Variants in PTPRO observed in about 807,000 individuals in gnomAD.
The protein encoded by PTPRO is receptor-type tyrosine-protein phosphatase O.
Under a neutral mutation model 145.2 loss-of-function variants are expected in PTPRO, and 62 were observed. That is an observed-to-expected ratio of 0.43 (90% CI 0.35 to 0.53). PTPRO has a LOEUF of 0.53. Among genes scored for constraint, PTPRO ranks in the 20% least tolerant of loss-of-function variants. PTPRO has a pLI of 0.01. For missense variants in PTPRO, 1,345 were observed against 1,482.7 expected (o/e 0.91, Z 1.53); for synonymous variants, 565 against 514.7 (o/e 1.10, Z -1.32).
intron 1 of PTPRO, among the ~76,000 whole-genome samples, chr12:15,414,385 C>A (rs1192194754): frequency 6.6e-6 from 1 of 152,230 alleles, no homozygotes; most frequent in Non-Finnish European, 1.5e-5. Flanking sequence ...GAACAGGACA[C>A]CTCATCTAGC....
chr12:15,553,752 A>T (rs1197965531), intron 15 of PTPRO, among the ~76,000 whole-genome samples: 1 of 152,190 alleles, frequency 6.6e-6, no homozygotes, highest in African/African-American at 2.4e-5. Flanking sequence ...TGAGGCAAGG[A>T]CAGAGACAGG....
At chr12:15,415,387 T>A (rs1360928243) in intron 1 of PTPRO, among the ~76,000 whole-genome samples, 1 of 4,592 alleles carries the variant, frequency 2.2e-4, no homozygotes, top group African/African-American at 2.3e-4. Context: ...GTGAAATGAA[T>A]TTTTTTTTTT....
At position 15,402,253 on chromosome 12, in the gene PTPRO, T is replaced by C. The variant is rs571644056; in HGVS notation, c.75+79452T>C. Among the ~76,000 whole-genome samples the C allele has an allele frequency of 2.3e-3, 356 of 152,092 alleles. 1 individual carries two copies. The highest frequency in any genetic ancestry group is 8.0e-3 in the African/African-American group (333 of 41,480). On this transcript the variant is annotated intron_variant, in intron 1 of 26. Transcript: ENST00000281171. ...AAATACAAAAATTAGCTGGGCATGG[T>C]GGTGTGTGCCTGTAGTCCCAGCTAC... is the stretch of plus-strand genomic sequence containing the variant.
At position 15,439,957 on chromosome 12, in the gene PTPRO, G is replaced by T. The variant is rs753998966; in HGVS notation, c.76-44017G>T. On this transcript the variant is annotated intron_variant, in intron 1 of 26. Coordinates refer to ENST00000281171, the MANE Select transcript of PTPRO (RefSeq NM_030667.3). ...TCGGTCTGGGTGTTAAGTGCTCCAAGGAGGTGGCCACTGCCATCTGCGGGG... is the reference window on the plus strand; with the variant it reads ...TCGGTCTGGGTGTTAAGTGCTCCAATGAGGTGGCCACTGCCATCTGCGGGG... 4.4e-6 allele frequency: 3 copies of T among 686,072 alleles called. No homozygotes were observed. In the East Asian group the frequency reaches 8.1e-5, roughly 18 times the overall value. The allele number at this position is 686,072 out of a possible 1,614,324, so 42.5% of individuals were successfully genotyped here.
chr12:15,486,011 T>C (rs1024208911), intron 2 of PTPRO, among the ~76,000 whole-genome samples: 1 of 152,168 alleles, frequency 6.6e-6, no homozygotes, highest in African/African-American at 2.4e-5. Context: ...TGCTGTGTAT[T>C]CTGTGAGCAC....
intron 1 of PTPRO, among the ~76,000 whole-genome samples, chr12:15,421,876 T>A (rs1241024368): frequency 6.6e-6 from 1 of 152,204 alleles, no homozygotes; most frequent in Non-Finnish European, 1.5e-5. Context: ...CTGCTTCAGT[T>A]CTTCATTTTT....
intron 1 of PTPRO, among the ~76,000 whole-genome samples, chr12:15,388,226 C>T (rs533105548): frequency 1.4e-3 from 208 of 151,732 alleles, no homozygotes; most frequent in Non-Finnish European, 1.4e-3. Flanking sequence ...ATATAACATA[C>T]GGATTACCCT....
chr12:15,364,135 T>C (rs775883168), intron 1 of PTPRO, among the ~76,000 whole-genome samples: 3 of 152,052 alleles, frequency 2.0e-5, no homozygotes, highest in Non-Finnish European at 4.4e-5. Flanking sequence ...TCACAGAGGG[T>C]CTAGGAATAT....
chr12:15,537,216 C>T (rs1489131949), intron 12 of PTPRO, among the ~76,000 whole-genome samples: 1 of 152,036 alleles, frequency 6.6e-6, no homozygotes, highest in East Asian at 1.9e-4. Flanking sequence ...GATAAAGGAG[C>T]TTGGATTCAG....
intron 1 of PTPRO, among the ~76,000 whole-genome samples, chr12:15,382,942 A>G (rs985230010): frequency 6.6e-6 from 1 of 152,248 alleles, no homozygotes; most frequent in Non-Finnish European, 1.5e-5. Context: ...TCATCACTGC[A>G]CACACTTATC....
At chr12:15,359,710 G>C (rs1212585857) in intron 1 of PTPRO, among the ~76,000 whole-genome samples, 1 of 152,138 alleles carries the variant, frequency 6.6e-6, no homozygotes, top group Admixed American at 6.5e-5. Context: ...TTACAGGCAA[G>C]AGCCACCGCA....
At chr12:15,420,983 A>C (rs1265966273) in intron 1 of PTPRO, among the ~76,000 whole-genome samples, 1 of 152,246 alleles carries the variant, frequency 6.6e-6, no homozygotes, top group Non-Finnish European at 1.5e-5. Context: ...AATTTCAAAT[A>C]TATGCAAAAT....
chr12:15,580,522 T>C (rs143598622), intron 21 of PTPRO, among the ~76,000 whole-genome samples, 175 bp from the exon 22 acceptor site: 257 of 152,362 alleles, frequency 1.7e-3, no homozygotes, highest in Non-Finnish European at 3.0e-3. Context: ...AGACTAATTA[T>C]GGTCAGTTAT....
chr12:15,431,598 C>T (rs562040567), intron 1 of PTPRO, among the ~76,000 whole-genome samples: 16 of 152,010 alleles, frequency 1.1e-4, no homozygotes, highest in Middle Eastern at 3.4e-3. Context: ...TGTTATTATT[C>T]GATAGAGCAA....
At chr12:15,575,162 A>G (rs1944152441) in intron 19 of PTPRO, among the ~76,000 whole-genome samples, 1 of 152,174 alleles carries the variant, frequency 6.6e-6, no homozygotes. Flanking sequence ...GTTCACAGGC[A>G]ATTTGGAGGG....
intron 1 of PTPRO, among the ~76,000 whole-genome samples, chr12:15,442,727 T>A (rs1216706576): frequency 6.6e-6 from 1 of 151,914 alleles, no homozygotes; most frequent in Non-Finnish European, 1.5e-5. Flanking sequence ...AAAACAAAAA[T>A]GCAATCCGAT....
chr12:15,365,529 C>T (rs1025002121), intron 1 of PTPRO, among the ~76,000 whole-genome samples: 18 of 152,174 alleles, frequency 1.2e-4, no homozygotes, highest in Middle Eastern at 3.4e-3. Context: ...AAACCTACAA[C>T]ACAGAGATTG....
chr12:15,581,593 C>T (rs768607203), intron 22 of PTPRO, 86 bp from the exon 23 acceptor site: 51 of 1,482,914 alleles, frequency 3.4e-5, no homozygotes, highest in South Asian at 1.1e-4. Flanking sequence ...TCTTTAGAGG[C>T]GAATACCTTT....
intron 1 of PTPRO, among the ~76,000 whole-genome samples, chr12:15,397,694 A>T (rs1939380425): frequency 6.6e-6 from 1 of 152,176 alleles, no homozygotes; most frequent in African/African-American, 2.4e-5. Context: ...TTGAGCACCT[A>T]GTATTTTAGG....
Sources: gnomAD v4.1 joint callset for allele counts (sites outside exome capture counted in the v4.1 genomes callset) on GRCh38, gnomAD v4.1.1 for gene constraint, MANE v1.5 for transcripts, NCBI Gene and HGNC (gene_info 2026-07-23, HGNC 2026-07-21) for gene names.